Variants in BRWD1 observed in about 807,000 individuals in gnomAD.
BRWD1 encodes bromodomain and WD repeat domain containing 1.
In BRWD1, 82 loss-of-function variants were observed where a neutral mutation model predicts 251.2. The ratio of observed to expected loss-of-function variants is 0.33; its 90% CI spans 0.27 to 0.39. The LOEUF is 0.39. BRWD1 is among the 10% of genes least tolerant of loss of function. The pLI is 1.00. For synonymous variants in BRWD1, 918 were observed against 902.8 expected (o/e 1.02, Z -0.30); for missense variants, 2,233 against 2,711.6 (o/e 0.82, Z 3.92).
chr21:39,241,305 A>G (rs1205912477), intron 21 of BRWD1, among the ~76,000 whole-genome samples: 2 of 151,032 alleles, frequency 1.3e-5, no homozygotes, highest in East Asian at 3.9e-4. Flanking sequence ...GTCTCTACCA[A>G]AAACATAAAA....
intron 36 of BRWD1, among the ~76,000 whole-genome samples, chr21:39,207,426 CAA>C (rs796927190): frequency 8.5e-5 from 6 of 70,688 alleles, no homozygotes; most frequent in Admixed American, 1.7e-4. Context: ...GAGACAGGCT[CAA>C]AAAAAAAAAA....
chr21:39,272,251 T>C (rs2035136709), intron 13 of BRWD1, among the ~76,000 whole-genome samples: 1 of 149,008 alleles, frequency 6.7e-6, no homozygotes, highest in African/African-American at 2.5e-5. Context: ...TGGTTGCACA[T>C]GTATACATAT....
chr21:39,292,398 G>C (rs2035842944), intron 8 of BRWD1, among the ~76,000 whole-genome samples: 1 of 152,146 alleles, frequency 6.6e-6, no homozygotes, highest in Non-Finnish European at 1.5e-5. Flanking sequence ...ACGGATGTAA[G>C]GCAATGATCA....
At position 39,257,589 on chromosome 21, in the gene BRWD1, T is replaced by C. The variant is rs1384283366; in HGVS notation, c.2071+898A>G. 5.3e-5 allele frequency among the ~76,000 whole-genome samples: 8 copies of C among 152,262 alleles called. No individual in the cohort carries two copies. In the East Asian group the frequency reaches 9.6e-4, roughly 18 times the overall value. ...GCCATGAGGAAGGACAGTTAGTTAT[T>C]GGGACAACTGGGGAAGAGTAAGTAA... On this transcript the variant is annotated intron_variant, in intron 18 of 40. Coordinates refer to ENST00000342449, the MANE Select transcript of BRWD1 (RefSeq NM_033656.4).
intron 4 of BRWD1, among the ~76,000 whole-genome samples, chr21:39,311,746 T>C (rs770217255): frequency 1.3e-5 from 2 of 152,242 alleles, no homozygotes; most frequent in Non-Finnish European, 2.9e-5. Flanking sequence ...TACTTCAAAA[T>C]CTAAGAAAGC....
Position 39,197,334 on chromosome 21 carries a change from T to C in BRWD1, c.5735A>G (p.Gln1912Arg). 2 of 1,614,022 alleles carry C rather than the reference T, an allele frequency of 1.2e-6. No individual in the cohort carries two copies. The highest frequency in any genetic ancestry group is 2.2e-5 in the East Asian group (1 of 44,886). The change falls in exon 41 of 41, where the codon CAG becomes CGG. Residue 1912 changes from glutamine (Q) to arginine (R), a missense_variant. Physicochemically the swap from Gln to Arg is conservative, Grantham distance 43. Coordinates refer to ENST00000342449, the MANE Select transcript of BRWD1 (RefSeq NM_033656.4). ...VCSSDSDSSL[Q>R]VVKKSSKART... The stretch of plus-strand genomic sequence containing the variant: ...GGCTTTTGATGATTTCTTAACCACC[T>C]GTAAACTACTGTCTGAGTCACTGGA...
intron 33 of BRWD1, among the ~76,000 whole-genome samples, chr21:39,212,985 T>C: frequency 6.6e-6 from 1 of 152,180 alleles, no homozygotes. Context: ...ATTTCCTAAA[T>C]AGAAAACTTG....
intron 15 of BRWD1, among the ~76,000 whole-genome samples, chr21:39,269,167 A>G (rs917052048): frequency 3.9e-5 from 6 of 152,084 alleles, no homozygotes; most frequent in African/African-American, 7.2e-5. Context: ...ATTAGTAACT[A>G]TAATTATGAT....
intron 8 of BRWD1, among the ~76,000 whole-genome samples, chr21:39,287,227 G>A (rs2035669224): frequency 6.6e-6 from 1 of 151,980 alleles, no homozygotes; most frequent in Admixed American, 6.5e-5. Flanking sequence ...CCTAAATCTA[G>A]AACCCAAATC....
intron 21 of BRWD1, among the ~76,000 whole-genome samples, 163 bp downstream of exon 21, chr21:39,247,538 T>C (rs2034238173): frequency 6.6e-6 from 1 of 152,256 alleles, no homozygotes; most frequent in Admixed American, 6.5e-5. Flanking sequence ...GTGACTATCT[T>C]AGCCATTAAA....
chr21:39,245,904 TTAAA>T (rs1235792529), intron 21 of BRWD1, among the ~76,000 whole-genome samples: 4 of 152,108 alleles, frequency 2.6e-5, no homozygotes, highest in Non-Finnish European at 5.9e-5. Context: ...GCCCGGCCTA[TTAAA>T]TACTCTTTAC....
At chr21:39,198,484 C>G (rs2031934598) in intron 40 of BRWD1, among the ~76,000 whole-genome samples, 1 of 152,110 alleles carries the variant, frequency 6.6e-6, no homozygotes, top group African/African-American at 2.4e-5. Context: ...TAATATATCC[C>G]CATCATCAAT....
chr21:39,247,440 CAG>C (rs918204840), intron 21 of BRWD1, among the ~76,000 whole-genome samples: 2 of 152,144 alleles, frequency 1.3e-5, no homozygotes, highest in Non-Finnish European at 2.9e-5. Flanking sequence ...TGTTTATATA[CAG>C]AAAGTTTCAG....
At chr21:39,248,591 A>G (rs1251214376) in intron 20 of BRWD1, among the ~76,000 whole-genome samples, 1 of 141,524 alleles carries the variant, frequency 7.1e-6, no homozygotes. Flanking sequence ...TGAGTGAGCC[A>G]TGATTGCACC....
chr21:39,280,279 C>T, intron 8 of BRWD1, 31 bp from the exon 9 acceptor site: 3 of 1,508,278 alleles, frequency 2.0e-6, no homozygotes, highest in Non-Finnish European at 2.7e-6. Context: ...AATTCAGTTT[C>T]CAGAACTTCT....
At chr21:39,310,571 G>A (rs544637588) in intron 4 of BRWD1, among the ~76,000 whole-genome samples, 2 of 151,780 alleles carry the variant, frequency 1.3e-5, no homozygotes, top group Admixed American at 6.6e-5. Context: ...AGGTTGCAGT[G>A]AGCCGAGGCT....
In BRWD1 at chr21:39,199,211, A is replaced by G. The variant is rs1483431570; in HGVS notation, c.5205T>C (p.Ala1735=). 6.2e-7 allele frequency: 1 copy of G among 1,614,130 alleles called. No individual in the cohort carries two copies. Among genetic ancestry groups the G allele is most frequent in the Admixed American group, 1.7e-5 (1 of 60,018 alleles). Residue 1735 remains alanine, a synonymous_variant, in exon 40 of 41, where the codon GCT becomes GCC. Coordinates refer to ENST00000342449, the MANE Select transcript of BRWD1 (RefSeq NM_033656.4). ...DLRVARKNWH[A]NGYKSHTPAP... ...CTGGAGTATGGGACTTGTAACCATTAGCATGCCAATTTTTCCGGGCTACCC... is the reference window on the plus strand; with the variant it reads ...CTGGAGTATGGGACTTGTAACCATTGGCATGCCAATTTTTCCGGGCTACCC...
chr21:39,270,343 C>T lies in BRWD1; in HGVS notation c.1335G>A (p.Val445=). ...TCCACACTTTGAGGACATGATCATT[C>T]ACAGCTGTGACAACAATGCTATCAT... ...NQNDSIVVTA[V]NDHVLKVWNS... The change falls in exon 14 of 41, where the codon GTG becomes GTA. Residue 445 remains valine, a synonymous_variant. Coordinates refer to ENST00000342449, the MANE Select transcript of BRWD1 (RefSeq NM_033656.4). 1.2e-6 allele frequency: 2 copies of T among 1,612,612 alleles called. No individual in the cohort carries two copies. The highest frequency in any genetic ancestry group is 8.5e-7 in the Non-Finnish European group (1 of 1,179,304).
intron 15 of BRWD1, 148 bp from the exon 16 acceptor site, chr21:39,265,167 T>C: frequency 2.4e-6 from 2 of 844,082 alleles, no homozygotes; most frequent in South Asian, 2.0e-5. Context: ...CTCATACCTG[T>C]AATCCTAGCA....
Sources: gnomAD v4.1 joint callset for allele counts (sites outside exome capture counted in the v4.1 genomes callset) on GRCh38, gnomAD v4.1.1 for gene constraint, MANE v1.5 for transcripts, NCBI Gene and HGNC (gene_info 2026-07-23, HGNC 2026-07-21) for gene names.